The following C2orf49 variants were observed in gnomAD, a reference collection of about 807,000 sequenced individuals.
The protein encoded by C2orf49 is tRNA splicing ligase complex subunit 2, also known as tRNA-splicing ligase complex subunit ASW.
A neutral mutation model predicts 20.6 loss-of-function variants in C2orf49; 11 were observed. That is an observed-to-expected ratio of 0.53 (90% CI 0.34 to 0.88). The LOEUF is 0.88. C2orf49 is among the 40% of genes least tolerant of loss of function. The pLI, the probability that C2orf49 is intolerant of heterozygous loss-of-function variation, is 0.02. For missense variants in C2orf49, 289 were observed against 274.2 expected (o/e 1.05, Z -0.38); for synonymous variants, 134 against 108.5 (o/e 1.24, Z -1.46).
the C2orf49 span, chr2:105,375,421 A>C: frequency 1.3e-5 from 2 of 152,208 alleles, no homozygotes; most frequent in African/African-American, 2.4e-5. Context: ...AGAATGAAGG[A>C]GAGGTCAGGA....
chr2:105,371,454 G>A, the C2orf49 span, among the ~76,000 whole-genome samples: 1 of 151,858 alleles, frequency 6.6e-6, no homozygotes, highest in Non-Finnish European at 1.5e-5. Context: ...TGGAACTGCA[G>A]TATCATCTCT....
chr2:105,363,204 T>TAGAC, the C2orf49 span: 2 of 1,403,928 alleles, frequency 1.4e-6, no homozygotes. Flanking sequence ...TTGAGGGATA[T>TAGAC]AGACAGGGTC....
At chr2:105,381,757 T>C in the C2orf49 span, among the ~76,000 whole-genome samples, 1 of 152,134 alleles carries the variant, frequency 6.6e-6, no homozygotes, top group Non-Finnish European at 1.5e-5. Flanking sequence ...GGACAAATTC[T>C]ACACGGAAGA....
At chr2:105,363,584 TAA>T in the C2orf49 span, 1 of 995,110 alleles carries the variant, frequency 1.0e-6, no homozygotes, top group Non-Finnish European at 1.5e-6. Flanking sequence ...TCCAGTTTGT[TAA>T]GTCACCAAGA....
the C2orf49 span, among the ~76,000 whole-genome samples, chr2:105,370,020 A>G: frequency 6.6e-6 from 1 of 152,222 alleles, no homozygotes; most frequent in Non-Finnish European, 1.5e-5. Context: ...CACACTCTGA[A>G]CCAAGTCTCC....
In C2orf49 at chr2:105,348,215, C is replaced by G. The variant is rs1679862016; in HGVS notation, c.*2844C>G. The G allele has an allele frequency of 6.6e-6, 1 of 152,152 alleles. No individual in the cohort carries two copies. Among genetic ancestry groups the G allele is most frequent in the Non-Finnish European group, 1.5e-5 (1 of 68,054 alleles). 9.4% of individuals were successfully genotyped at this position (152,152 alleles called of 1,614,324 possible). A position where few individuals can be genotyped will look rare whatever the true frequency, so the allele number is the denominator to read the frequency against. On this transcript the variant is annotated 3_prime_UTR_variant, in exon 4 of 4. Coordinates refer to ENST00000258457, the MANE Select transcript of C2orf49 (RefSeq NM_024093.3). Reference sequence around the variant, plus strand: ...GGGATCATAGACTGCTGTGTGAATTCTGGAAAGTCTCAGGTCCCTACCAGG... The same window carrying G: ...GGGATCATAGACTGCTGTGTGAATTGTGGAAAGTCTCAGGTCCCTACCAGG...
chr2:105,339,871 G>A, intron 2 of C2orf49, 122 bp downstream of exon 2: 3 of 834,576 alleles, frequency 3.6e-6, no homozygotes, highest in Non-Finnish European at 5.4e-6. Context: ...TATCTATTGA[G>A]CACCAGGCAC....
At chr2:105,341,469 C>A (rs901206625) in intron 2 of C2orf49, among the ~76,000 whole-genome samples, 5 of 152,194 alleles carry the variant, frequency 3.3e-5, no homozygotes, top group African/African-American at 1.2e-4. Flanking sequence ...TGCCCAAGGT[C>A]ACACAGAGCT....
At chr2:105,356,915 G>A in the C2orf49 span, among the ~76,000 whole-genome samples, 2 of 151,844 alleles carry the variant, frequency 1.3e-5, no homozygotes, top group African/African-American at 4.8e-5. Flanking sequence ...TCAAATTTGG[G>A]GCCTTTTTCA....
chr2:105,359,189 G>A, the C2orf49 span: 1 of 147,368 alleles, frequency 6.8e-6, no homozygotes, highest in Non-Finnish European at 1.5e-5. Context: ...TACTAGAAGT[G>A]GAATTCCCCC....
intron 2 of C2orf49, among the ~76,000 whole-genome samples, chr2:105,342,570 C>G (rs567920688): frequency 6.6e-6 from 1 of 152,210 alleles, no homozygotes; most frequent in East Asian, 1.9e-4. Flanking sequence ...TTTTAAGTTC[C>G]AGGGCTAGAT....
the C2orf49 span, among the ~76,000 whole-genome samples, chr2:105,362,029 T>C: frequency 6.6e-6 from 1 of 152,226 alleles, no homozygotes; most frequent in Non-Finnish European, 1.5e-5. Flanking sequence ...TTACCTAGTG[T>C]TTTTTCTCAG....
chr2:105,366,444 C>A, the C2orf49 span, among the ~76,000 whole-genome samples: 4 of 152,306 alleles, frequency 2.6e-5, no homozygotes, highest in South Asian at 8.3e-4. Context: ...GCGAACAGAA[C>A]CTGTGATGAG....
the C2orf49 span, chr2:105,358,031 T>A: frequency 6.6e-6 from 1 of 152,236 alleles, no homozygotes; most frequent in Non-Finnish European, 1.5e-5. Flanking sequence ...ACCTCAAGGA[T>A]AAACCAGATT....
the C2orf49 span, among the ~76,000 whole-genome samples, chr2:105,372,535 A>C: frequency 0.47 from 71,178 of 151,918 alleles, 18,229 homozygotes; most frequent in African/African-American, 0.68. Flanking sequence ...TCCTACATAT[A>C]TTTCTAAACT....
chr2:105,343,339 G>A (rs1218795827), intron 3 of C2orf49, 116 bp downstream of exon 3: 1 of 968,232 alleles, frequency 1.0e-6, no homozygotes, highest in African/African-American at 1.6e-5. Flanking sequence ...CCCTTTTGAT[G>A]GTCTGTCTGA....
At chr2:105,373,848 C>T in the C2orf49 span, 1 of 851,428 alleles carries the variant, frequency 1.2e-6, no homozygotes, top group Non-Finnish European at 1.9e-6. Context: ...TGGGCCGAGG[C>T]ACCCTGGCGC....
At chr2:105,374,516 G>A in the C2orf49 span, 3 of 152,360 alleles carry the variant, frequency 2.0e-5, no homozygotes, top group African/African-American at 4.8e-5. Context: ...ACTGGGGGAC[G>A]GGTAAGGATG....
chr2:105,345,076 G>A (rs977115866), intron 3 of C2orf49, among the ~76,000 whole-genome samples: 4 of 152,092 alleles, frequency 2.6e-5, no homozygotes, highest in Non-Finnish European at 4.4e-5. Context: ...AATTGGTTCT[G>A]TGATAAGACC....
Sources: allele counts gnomAD v4.1 joint callset (sites outside exome capture counted in the v4.1 genomes callset), GRCh38; gene constraint gnomAD v4.1.1; transcripts MANE v1.5; gene names NCBI Gene and HGNC (gene_info 2026-07-23, HGNC 2026-07-21).